Variants in PLXNA2 observed in about 807,000 individuals in gnomAD.
The protein encoded by PLXNA2 is plexin-A2.
PLXNA2 carries 91 observed loss-of-function variants against 193.5 expected under a neutral mutation model. The observed-to-expected ratio is 0.47, with a 90% confidence interval of 0.40 to 0.56. PLXNA2 has a LOEUF of 0.56. Ranked by LOEUF, PLXNA2 falls within the 20% of genes least tolerant of loss-of-function variation. The pLI is 0.00. For synonymous variants in PLXNA2, 997 were observed against 1,027.3 expected (o/e 0.97, Z 0.56); for missense variants, 1,995 against 2,503.2 (o/e 0.80, Z 4.33).
At chr1:208,128,423 A>C (rs1239069058) in intron 4 of PLXNA2, among the ~76,000 whole-genome samples, 1 of 152,148 alleles carries the variant, frequency 6.6e-6, no homozygotes, top group Non-Finnish European at 1.5e-5. Flanking sequence ...TGTCCCAGGC[A>C]TTGTATAGGG....
chr1:208,219,463 C>A (rs1671249482), intron 1 of PLXNA2, among the ~76,000 whole-genome samples: 1 of 152,220 alleles, frequency 6.6e-6, no homozygotes, highest in African/African-American at 2.4e-5. Flanking sequence ...GATCATCCAG[C>A]AACCTTCTCA....
intron 29 of PLXNA2, chr1:208,031,033 T>C (rs1445345445): frequency 6.1e-6 from 6 of 988,196 alleles, no homozygotes; most frequent in Non-Finnish European, 7.2e-6. Context: ...GATAATCACT[T>C]GGCCTTAAGA....
intron 3 of PLXNA2, among the ~76,000 whole-genome samples, chr1:208,182,999 C>G (rs758922396): frequency 1.3e-5 from 2 of 152,232 alleles, no homozygotes; most frequent in Non-Finnish European, 2.9e-5. Flanking sequence ...CTCTCTTCCT[C>G]CTGTTTACCC....
chr1:208,035,347 C>T (rs763618605), intron 26 of PLXNA2, among the ~76,000 whole-genome samples: 2 of 152,206 alleles, frequency 1.3e-5, no homozygotes, highest in Non-Finnish European at 2.9e-5. Flanking sequence ...GTCTGAAGCC[C>T]ATTTTCCCTT....
intron 4 of PLXNA2, among the ~76,000 whole-genome samples, chr1:208,132,218 A>G (rs564237515): frequency 9.9e-5 from 15 of 152,240 alleles, no homozygotes; most frequent in East Asian, 3.9e-4. Context: ...CACTACTCCA[A>G]TCTCCTTGAA....
chr1:208,212,007 T>C (rs1477189322), intron 2 of PLXNA2, among the ~76,000 whole-genome samples: 1 of 152,180 alleles, frequency 6.6e-6, no homozygotes, highest in Non-Finnish European at 1.5e-5. Context: ...TGGCACAATG[T>C]GGAATCCTGT....
rs534909757 is a variant in PLXNA2, at chr1:208,064,502, C to T, written c.2587-3665G>A. Among the ~76,000 whole-genome samples the T allele has an allele frequency of 1.4e-4, 22 of 152,272 alleles. No individual in the cohort carries two copies. In the South Asian group the frequency reaches 3.1e-3, roughly 22 times the overall value. ...CTATCGGTGGTTCCTTTCTACATCA[C>T]GCTGTTTAAAAATCCCTGAGCCTTT... On this transcript the variant is annotated intron_variant, in intron 12 of 31. Coordinates refer to ENST00000367033, the MANE Select transcript of PLXNA2 (RefSeq NM_025179.4).
intron 3 of PLXNA2, among the ~76,000 whole-genome samples, chr1:208,177,250 A>C (rs1453430731): frequency 6.6e-6 from 1 of 152,050 alleles, no homozygotes; most frequent in Non-Finnish European, 1.5e-5. Flanking sequence ...TTCCTACCTG[A>C]TGCATTCAGA....
At chr1:208,157,341 T>C (rs1474321959) in intron 3 of PLXNA2, among the ~76,000 whole-genome samples, 3 of 152,366 alleles carry the variant, frequency 2.0e-5, no homozygotes, top group African/African-American at 4.8e-5. Context: ...AAATCTTTTA[T>C]TGTAAGTCAT....
chr1:208,045,973 C>T lies in PLXNA2; in HGVS notation c.3400G>A (p.Asp1134Asn), dbSNP rs774908583. ...TTGGGGTAGTAGATAAACTTGGTGT[C>T]GTTGTAAATTAGCAAGGATTGGACA... ...NNVQSLLIYN[D>N]TKFIYYPNPT... Residue 1134 changes from aspartate to asparagine, a missense_variant, in exon 18 of 32, where the codon GAC (aspartate) becomes AAC (asparagine). Transcript: ENST00000367033. 11 of 1,614,194 alleles carry T rather than the reference C, an allele frequency of 6.8e-6. No homozygotes were observed. Among genetic ancestry groups the T allele is most frequent in the Admixed American group, 6.7e-5 (4 of 60,032 alleles).
rs761123900 is a variant in PLXNA2 at position 208,164,812 on chromosome 1, C to T, written c.1372-22349G>A. On this transcript the variant is annotated intron_variant, in intron 3 of 31. Transcript: ENST00000367033. The stretch of plus-strand genomic sequence containing the variant: ...AGCTCCTGAGGAAGTACTTAGCAGG[C>T]GCTGCCTGACTCTAGCGGCACTAAC... 5.9e-5 allele frequency among the ~76,000 whole-genome samples: 9 copies of T among 152,208 alleles called. No individual in the cohort carries two copies. The South Asian group carries it at 6.2e-4, about 11-fold the overall frequency.
intron 3 of PLXNA2, among the ~76,000 whole-genome samples, chr1:208,184,415 C>T (rs1348159816): frequency 6.6e-6 from 1 of 150,640 alleles, no homozygotes; most frequent in Non-Finnish European, 1.5e-5. Flanking sequence ...CTTCTCCACC[C>T]CCTGCTTAAA....
At chr1:208,130,609 T>C (rs1289794017) in intron 4 of PLXNA2, among the ~76,000 whole-genome samples, 3 of 152,170 alleles carry the variant, frequency 2.0e-5, no homozygotes, top group African/African-American at 7.2e-5. Context: ...AAACACATTT[T>C]ATCAATGGGG....
chr1:208,025,044 T>C lies in PLXNA2; in HGVS notation c.*2199A>G, dbSNP rs772092412. 3 of 152,610 alleles carry C rather than the reference T, an allele frequency of 2.0e-5. No homozygotes were observed. The highest frequency in any genetic ancestry group is 4.4e-5 in the Non-Finnish European group (3 of 68,018). 9.5% of individuals were successfully genotyped at this position (152,610 alleles called of 1,614,324 possible). A position where few individuals can be genotyped will look rare whatever the true frequency, so the allele number is the denominator to read the frequency against. ...ATTAGTATTTCCTTCAGGCTACTAA[T>C]AGGGCCTGAGAAACTTTAAAGAAGT... On this transcript the variant is annotated 3_prime_UTR_variant, in exon 32 of 32. Coordinates refer to ENST00000367033, the MANE Select transcript of PLXNA2 (RefSeq NM_025179.4).
At position 208,216,832 on chromosome 1, in the gene PLXNA2, T is replaced by C; in HGVS notation, c.1091A>G (p.Asn364Ser). 6.2e-7 allele frequency: 1 copy of C among 1,614,190 alleles called. No individual in the cohort carries two copies. Among genetic ancestry groups the C allele is most frequent in the Non-Finnish European group, 8.5e-7 (1 of 1,180,020 alleles). ...CTGCAGGCGCTCCTTGATCTGCAAG[T>C]TGATGGCCCGGATAGGGAAGGCACA... ...ALCAFPIRAI[N>S]LQIKERLQSC... Residue 364 changes from asparagine (N) to serine (S), a missense_variant, in exon 2 of 32, where the codon AAC (asparagine) becomes AGC (serine). By Grantham distance (46) the Asn-to-Ser change is conservative. Coordinates refer to ENST00000367033, the MANE Select transcript of PLXNA2 (RefSeq NM_025179.4).
chr1:208,090,729 C>T (rs1666679262), intron 9 of PLXNA2, among the ~76,000 whole-genome samples: 2 of 152,200 alleles, frequency 1.3e-5, no homozygotes. Context: ...ATTTGTACTT[C>T]ATCCAATCTC....
Position 208,044,369 on chromosome 1 carries a change from G to A in PLXNA2, c.3874+139C>T, listed in dbSNP as rs886892433. On this transcript the variant is annotated intron_variant, in intron 20 of 31. Transcript: ENST00000367033. This position sits in a 1 kb window ranked among gnomAD's most constrained non-coding sequence, Gnocchi z 4.9. ...GACCCTATAAGCAAAAGAAGTTCTG[G>A]GAAAACAGGGGTGAAAGTGGAATGC... 3 of 665,200 alleles carry A rather than the reference G, an allele frequency of 4.5e-6. No homozygotes were observed. Among genetic ancestry groups the A allele is most frequent in the Non-Finnish European group, 7.9e-6 (3 of 380,780 alleles). The allele number at this position is 665,200 out of a possible 1,614,324, so 41.2% of individuals were successfully genotyped here.
intron 3 of PLXNA2, among the ~76,000 whole-genome samples, chr1:208,144,565 A>G (rs1017251621): frequency 6.6e-6 from 1 of 152,144 alleles, no homozygotes; most frequent in Non-Finnish European, 1.5e-5. Flanking sequence ...TGAAAATGGT[A>G]GGTCAGGGTC....
intron 3 of PLXNA2, among the ~76,000 whole-genome samples, chr1:208,198,284 C>T (rs1053695083): frequency 2.0e-5 from 3 of 152,204 alleles, no homozygotes; most frequent in Admixed American, 1.3e-4. Flanking sequence ...GCTCCTCCTC[C>T]CCACTGAAAC....
Sources: allele counts gnomAD v4.1 joint callset (sites outside exome capture counted in the v4.1 genomes callset), GRCh38; gene constraint gnomAD v4.1.1; non-coding constraint Gnocchi (gnomAD v3.1); transcripts MANE v1.5; gene names NCBI Gene and HGNC (gene_info 2026-07-23, HGNC 2026-07-21).